The following ASXL1 variants were observed in gnomAD, a reference collection of about 807,000 sequenced individuals.
The protein encoded by ASXL1 is polycomb group protein ASXL1.
In ASXL1, 65 loss-of-function variants were observed where a neutral mutation model predicts 89.1. The ratio of observed to expected loss-of-function variants is 0.73; its 90% CI spans 0.60 to 0.90. The LOEUF (loss-of-function observed/expected upper bound fraction) is 0.90, where lower values mean the gene tolerates loss of function less well. ASXL1 is among the 40% of genes least tolerant of loss of function. The pLI, the probability that ASXL1 is intolerant of heterozygous loss-of-function variation, is 0.00. For missense variants in ASXL1, 1,786 were observed against 1,942.9 expected (o/e 0.92, Z 1.52); for synonymous variants, 739 against 746.9 (o/e 0.99, Z 0.17).
chr20:32,424,483 C>T lies in ASXL1; in HGVS notation c.253-3645C>T, dbSNP rs148666507. ...CCAGGAGGAGGAGGTTGCAGTGAGC[C>T]GAGATCATGCCGCTGCACTCCATCC... On this transcript the variant is annotated intron_variant, in intron 4 of 12. Coordinates refer to ENST00000375687, the MANE Select transcript of ASXL1 (RefSeq NM_015338.6). Among the ~76,000 whole-genome samples the T allele has an allele frequency of 6.2e-3, 938 of 152,200 alleles. 13 individuals carry two copies. Among genetic ancestry groups the T allele is most frequent in the African/African-American group, 0.022 (904 of 41,524 alleles).
chr20:32,427,020 AC>A (rs1212833184), intron 4 of ASXL1: 1 of 152,150 alleles, frequency 6.6e-6, no homozygotes, highest in Non-Finnish European at 1.5e-5. Context: ...CAGAATCATG[AC>A]TTTATCAACT....
chr20:32,375,047 A>G (rs2048354340), intron 4 of ASXL1, among the ~76,000 whole-genome samples: 1 of 151,982 alleles, frequency 6.6e-6, no homozygotes, highest in Admixed American at 6.6e-5. Flanking sequence ...GCGTTTTGCC[A>G]TGTTGGTCAG....
intron 4 of ASXL1, among the ~76,000 whole-genome samples, chr20:32,386,945 G>C (rs1600505403): frequency 6.6e-6 from 1 of 152,058 alleles, no homozygotes; most frequent in East Asian, 1.9e-4. Context: ...AGTTTTTCCA[G>C]CTGGTGCGTA....
At chr20:32,379,477 G>A (rs2048449432) in intron 4 of ASXL1, among the ~76,000 whole-genome samples, 1 of 151,312 alleles carries the variant, frequency 6.6e-6, no homozygotes. Context: ...CAAAGTGCTG[G>A]GATTACAGGT....
intron 4 of ASXL1, among the ~76,000 whole-genome samples, chr20:32,396,038 A>G (rs2048757311): frequency 6.6e-6 from 1 of 152,150 alleles, no homozygotes; most frequent in Non-Finnish European, 1.5e-5. Flanking sequence ...ACTTCAGGTG[A>G]TCCACCTGCC....
chr20:32,431,134 C>T (rs1360740442), intron 8 of ASXL1, 187 bp from the exon 9 acceptor site: 4 of 766,226 alleles, frequency 5.2e-6, no homozygotes, highest in South Asian at 1.5e-5. Context: ...AAGTGTTCTC[C>T]TGGGTTTGAT....
intron 12 of ASXL1, chr20:32,434,128 G>A: frequency 1.3e-6 from 1 of 779,290 alleles, no homozygotes; most frequent in Non-Finnish European, 2.0e-6. Context: ...GTTATCTTGA[G>A]AGGTCAAAAT....
intron 4 of ASXL1, among the ~76,000 whole-genome samples, chr20:32,372,840 G>T (rs1399686044): frequency 6.6e-6 from 1 of 151,400 alleles, no homozygotes; most frequent in East Asian, 2.0e-4. Flanking sequence ...TGATCCGTCT[G>T]CCTCGGCCTC....
At chr20:32,380,605 C>T (rs2048470403) in intron 4 of ASXL1, among the ~76,000 whole-genome samples, 1 of 152,016 alleles carries the variant, frequency 6.6e-6, no homozygotes, top group Non-Finnish European at 1.5e-5. Flanking sequence ...ATAAAATTAG[C>T]CAGGTGTGGT....
At chr20:32,376,694 G>C (rs913663307) in intron 4 of ASXL1, among the ~76,000 whole-genome samples, 1 of 151,576 alleles carries the variant, frequency 6.6e-6, no homozygotes, top group African/African-American at 2.4e-5. Context: ...ATAAGCTTAC[G>C]TGCAGAATGG....
At chr20:32,411,851 CTTATT>C (rs994034490) in intron 4 of ASXL1, among the ~76,000 whole-genome samples, 1 of 152,104 alleles carries the variant, frequency 6.6e-6, no homozygotes, top group Non-Finnish European at 1.5e-5. Flanking sequence ...CCCATGGATT[CTTATT>C]TTATTATTGA....
At chr20:32,409,347 G>A (rs991051711) in intron 4 of ASXL1, among the ~76,000 whole-genome samples, 2 of 152,106 alleles carry the variant, frequency 1.3e-5, no homozygotes, top group Non-Finnish European at 2.9e-5. Context: ...TTTTGCCCTA[G>A]CAGGTATATA....
chr20:32,409,492 TAAC>T (rs1315424281), intron 4 of ASXL1, among the ~76,000 whole-genome samples: 4 of 152,222 alleles, frequency 2.6e-5, no homozygotes, highest in South Asian at 2.1e-4. Context: ...AAATAGTTAT[TAAC>T]AACAAGTACA....
chr20:32,367,813 C>A lies in ASXL1; in HGVS notation c.143+84C>A. The A allele has an allele frequency of 5.2e-6, 4 of 775,214 alleles. No homozygotes were observed. In the South Asian group the frequency reaches 5.4e-5, roughly 10 times the overall value. 48.0% of individuals were successfully genotyped at this position (775,214 alleles called of 1,614,324 possible). On this transcript the variant is annotated intron_variant, in intron 3 of 12. Transcript: ENST00000375687. ...GTTCTTAGAGGAATTATGAAGCAGT[C>A]ATGATGGCTCATGATGAGTGAGCAG... is the stretch of plus-strand genomic sequence containing the variant.
intron 4 of ASXL1, among the ~76,000 whole-genome samples, chr20:32,377,819 AT>A (rs1175807674): frequency 1.3e-5 from 2 of 151,422 alleles, no homozygotes; most frequent in Admixed American, 6.6e-5. Context: ...TGCCCGGCAA[AT>A]TTTTGTATTT....
At chr20:32,377,972 C>CTGTGTGTGTGTG (rs112878923) in intron 4 of ASXL1, among the ~76,000 whole-genome samples, 1,516 of 115,366 alleles carry the variant, frequency 0.013, 67 homozygotes, top group African/African-American at 0.043. Flanking sequence ...AGTTTTGACT[C>CTGTGTGTGTGTG]TGTGTGTGTG....
At chr20:32,434,247 G>C in intron 12 of ASXL1, 185 bp from the exon 13 acceptor site, 1 of 807,514 alleles carries the variant, frequency 1.2e-6, no homozygotes, top group Non-Finnish European at 2.0e-6. Flanking sequence ...AACAGCCCTT[G>C]AGCAGAATCT....
chr20:32,424,961 C>T (rs1240453465), intron 4 of ASXL1, among the ~76,000 whole-genome samples: 2 of 152,172 alleles, frequency 1.3e-5, no homozygotes, highest in Non-Finnish European at 2.9e-5. Context: ...TGCCCCTTCC[C>T]AGTCACAGCC....
intron 4 of ASXL1, among the ~76,000 whole-genome samples, chr20:32,409,975 A>G (rs1050509150): frequency 6.6e-6 from 1 of 152,136 alleles, no homozygotes; most frequent in African/African-American, 2.4e-5. Flanking sequence ...AAGTTCTCCA[A>G]TATGGATTTG....
Sources: allele counts gnomAD v4.1 joint callset (sites outside exome capture counted in the v4.1 genomes callset), GRCh38; gene constraint gnomAD v4.1.1; transcripts MANE v1.5; gene names NCBI Gene and HGNC (gene_info 2026-07-23, HGNC 2026-07-21).